PACRGL: variants seen among roughly 807,000 people sequenced by gnomAD.
PACRGL encodes the protein PACRG-like protein.
In PACRGL, 38 loss-of-function variants were observed where a neutral mutation model predicts 34.5. The ratio of observed to expected loss-of-function variants is 1.10; its 90% CI spans 0.85 to 1.44. The LOEUF is 1.44. Among genes scored for constraint, PACRGL ranks in the 40% most tolerant of loss-of-function variants. The probability of loss-of-function intolerance (pLI) is 0.00; values close to 1 mark genes in which losing one functional copy is unlikely to be tolerated. For missense variants in PACRGL, 305 were observed against 281.4 expected, an observed-to-expected ratio of 1.08 and a Z score of -0.60; for synonymous variants, 128 against 100.1, an observed-to-expected ratio of 1.28 and a Z score of -1.66.
In PACRGL at chr4:20,730,814, T is replaced by C. The variant is rs1179767446; in HGVS notation, c.*3473T>C. ...TGGGCATTATTGGAGCACTTGTCAGTTGCATGTGAATAGCACTTACTGAGC... is the reference window on the plus strand; with the variant it reads ...TGGGCATTATTGGAGCACTTGTCAGCTGCATGTGAATAGCACTTACTGAGC... On this transcript the variant is annotated 3_prime_UTR_variant, in exon 9 of 9. Transcript: ENST00000503585. Among the ~76,000 whole-genome samples, 1 of 152,152 alleles carries C rather than the reference T, an allele frequency of 6.6e-6. No individual in the cohort carries two copies. The highest frequency in any genetic ancestry group is 6.5e-5 in the Admixed American group (1 of 15,268).
chr4:20,697,408 G>A (rs775686758), upstream of PACRGL, among the ~76,000 whole-genome samples: 5 of 152,068 alleles, frequency 3.3e-5, no homozygotes, highest in Non-Finnish European at 7.4e-5. Flanking sequence ...AAGTCAATGA[G>A]AACCAGCACA....
At chr4:20,746,335 A>G (rs1461308309) in intron 8 of PACRGL, among the ~76,000 whole-genome samples, 1 of 151,990 alleles carries the variant, frequency 6.6e-6, no homozygotes, top group Non-Finnish European at 1.5e-5. Flanking sequence ...GAACACACGG[A>G]CATAGGAAGG....
At chr4:20,719,410 A>G (rs1268866867) in intron 7 of PACRGL, among the ~76,000 whole-genome samples, 2 of 151,964 alleles carry the variant, frequency 1.3e-5, no homozygotes, top group Admixed American at 6.6e-5. Flanking sequence ...AGTTCTTTTA[A>G]TTGTGATGTT....
downstream of PACRGL, among the ~76,000 whole-genome samples, chr4:20,753,285 C>T (rs1203054926): frequency 6.6e-6 from 1 of 151,964 alleles, no homozygotes; most frequent in Non-Finnish European, 1.5e-5. Flanking sequence ...TCTTAGAAAT[C>T]GAGGATACTA....
At chr4:20,738,221 T>C (rs967997685) in intron 8 of PACRGL, among the ~76,000 whole-genome samples, 4 of 152,098 alleles carry the variant, frequency 2.6e-5, no homozygotes, top group Admixed American at 2.0e-4. Flanking sequence ...TGCTGAGCAG[T>C]TTTGAAAGGC....
intron 8 of PACRGL, among the ~76,000 whole-genome samples, chr4:20,725,848 T>A (rs977150944): frequency 1.1e-4 from 16 of 151,684 alleles, no homozygotes; most frequent in Admixed American, 2.0e-4. Context: ...TGAATTTCTT[T>A]GTTGTGTTTG....
At chr4:20,700,211 C>T (rs1213561528), upstream of PACRGL, among the ~76,000 whole-genome samples, 1 of 152,232 alleles carries the variant, frequency 6.6e-6, no homozygotes. Flanking sequence ...CGACTGGGAA[C>T]CCGTCATCGT....
intron 8 of PACRGL, among the ~76,000 whole-genome samples, chr4:20,740,719 TAAC>T (rs560724495): frequency 6.6e-5 from 10 of 152,088 alleles, no homozygotes; most frequent in Non-Finnish European, 1.0e-4. Context: ...AATTCACACA[TAAC>T]AATATTAACC....
Position 20,728,474 on chromosome 4 carries a change from G to C in PACRGL, c.*1133G>C, listed in dbSNP as rs1371530474. On this transcript the variant is annotated 3_prime_UTR_variant, in exon 9 of 9. Transcript: ENST00000503585. The stretch of plus-strand genomic sequence containing the variant: ...GCAATTCCCTCTGGCTACAACAGCT[G>C]CCTGCCTGCTGGCCTTGCTTTTACC... 6.6e-6 allele frequency: 1 copy of C among 152,244 alleles called. No individual in the cohort carries two copies. Among genetic ancestry groups the C allele is most frequent in the Non-Finnish European group, 1.5e-5 (1 of 68,034 alleles). The allele number at this position is 152,244 out of a possible 1,614,324, so 9.4% of individuals were successfully genotyped here.
At chr4:20,758,897 A>G in the PACRGL span, 3,712 of 1,611,364 alleles carry the variant, frequency 2.3e-3, 28 homozygotes, top group Middle Eastern at 0.014. Flanking sequence ...ATTCCTAGGG[A>G]AAGTGGCAGA....
chr4:20,730,472 G>A lies in PACRGL; in HGVS notation c.*3131G>A, dbSNP rs1253976777. 6.6e-6 allele frequency among the ~76,000 whole-genome samples: 1 copy of A among 151,802 alleles called. No homozygotes were observed. The highest frequency in any genetic ancestry group is 1.5e-5 in the Non-Finnish European group (1 of 68,018). ...TGTGTCAAAGCAAATGAGAATTTTG[G>A]CATTCTATGTAGATCACAGGCCAAA... is the stretch of plus-strand genomic sequence containing the variant. On this transcript the variant is annotated 3_prime_UTR_variant, in exon 9 of 9. Coordinates refer to ENST00000503585, the MANE Select transcript of PACRGL (RefSeq NM_001258345.3).
the PACRGL span, among the ~76,000 whole-genome samples, chr4:20,760,820 G>GA: frequency 7.9e-5 from 12 of 151,998 alleles, no homozygotes; most frequent in African/African-American, 1.7e-4. Flanking sequence ...TTGGAGTAAA[G>GA]AAAAAAACAA....
At chr4:20,739,976 G>A (rs1234373617) in intron 8 of PACRGL, among the ~76,000 whole-genome samples, 4 of 152,152 alleles carry the variant, frequency 2.6e-5, no homozygotes, top group Admixed American at 2.6e-4. Context: ...TTTTGATCAA[G>A]TGGAAGAAAG....
rs1383954766 is a variant in PACRGL at position 20,704,658 on chromosome 4, A to G, written c.53-2A>G. 1.2e-6 allele frequency: 2 copies of G among 1,613,834 alleles called. No individual in the cohort carries two copies. The highest frequency in any genetic ancestry group is 1.3e-5 in the African/African-American group (1 of 75,018). ...TTCTATTGATGTTCTGTTTTTTTCC[A>G]GGTAACTATGATCAAAGGACATCAT... is the stretch of plus-strand genomic sequence containing the variant. On this transcript the variant is annotated splice_acceptor_variant, in intron 2 of 8. Transcript: ENST00000503585. LOFTEE classifies it high-confidence loss of function.
At chr4:20,739,987 G>C (rs149052151) in intron 8 of PACRGL, among the ~76,000 whole-genome samples, 2,829 of 152,140 alleles carry the variant, frequency 0.019, 41 homozygotes, top group Non-Finnish European at 0.03. Context: ...TGGAAGAAAG[G>C]GTATCAGTGA....
At chr4:20,748,588 ATATATATATATATATATTC>A (rs1752920553) in intron 8 of PACRGL, among the ~76,000 whole-genome samples, 2 of 85,184 alleles carry the variant, frequency 2.3e-5, no homozygotes, top group Non-Finnish European at 5.5e-5. Context: ...ATATATATAT[ATATATATATATATATATTC>A]CATAAGTAAA....
chr4:20,763,604 A>G, the PACRGL span, among the ~76,000 whole-genome samples: 1 of 152,216 alleles, frequency 6.6e-6, no homozygotes, highest in African/African-American at 2.4e-5. Context: ...TATGGCCAGA[A>G]AGAAGACAAG....
chr4:20,767,007 A>G, the PACRGL span: 2 of 152,184 alleles, frequency 1.3e-5, no homozygotes, highest in South Asian at 2.1e-4. Flanking sequence ...ATATTATGCT[A>G]TTATCCTAGC....
At chr4:20,755,018 T>G (rs185681584), downstream of PACRGL, among the ~76,000 whole-genome samples, 142 of 152,310 alleles carry the variant, frequency 9.3e-4, 1 homozygote, top group African/African-American at 3.2e-3. Context: ...AGTTAATTAA[T>G]TCCCCAAATT....
Sources: allele counts gnomAD v4.1 joint callset (sites outside exome capture counted in the v4.1 genomes callset), GRCh38; gene constraint gnomAD v4.1.1; transcripts MANE v1.5; gene names NCBI Gene and HGNC (gene_info 2026-07-23, HGNC 2026-07-21).